KIRREL3: variants seen among roughly 807,000 people sequenced by gnomAD.
KIRREL3 encodes kin of IRRE-like protein 3.
Under a neutral mutation model 89.7 loss-of-function variants are expected in KIRREL3, and 36 were observed. The ratio of observed to expected loss-of-function variants is 0.40; its 90% CI spans 0.31 to 0.53. KIRREL3 has a LOEUF of 0.53. Ranked by LOEUF, KIRREL3 falls within the 20% of genes least tolerant of loss-of-function variation. The pLI is 0.49. For missense variants in KIRREL3, 864 were observed against 1,056.6 expected (o/e 0.82, Z 2.53); for synonymous variants, 445 against 441.4 (o/e 1.01, Z -0.10).
At position 126,653,523 on chromosome 11, in the gene KIRREL3, C is replaced by A. The variant is rs373466122; in HGVS notation, c.56-90611G>T. On this transcript the variant is annotated intron_variant, in intron 1 of 16. Transcript: ENST00000525144. The surrounding 1 kb of genome is among the most constrained non-coding windows in gnomAD (Gnocchi z 5.4). ...AAATGGTTCTGAAAGATGTAAAGAG[C>A]AATATAAACACCAGATACGGAATGA... Among the ~76,000 whole-genome samples the A allele has an allele frequency of 8.5e-5, 13 of 152,182 alleles. No individual in the cohort carries two copies. The East Asian group carries it at 2.3e-3, about 27-fold the overall frequency.
Position 126,485,209 on chromosome 11 carries a change from A to C in KIRREL3, c.434-11743T>G, listed in dbSNP as rs1176564407. On this transcript the variant is annotated intron_variant, in intron 4 of 16. Transcript: ENST00000525144. This position sits in a 1 kb window ranked among gnomAD's most constrained non-coding sequence, Gnocchi z 5.8. ...TCCAAGGAGGTTGGGGACAGAGAGAAAAGAGGAACAAGGAGCAAGACGCAG... is the reference window on the plus strand; with the variant it reads ...TCCAAGGAGGTTGGGGACAGAGAGACAAGAGGAACAAGGAGCAAGACGCAG... Among the ~76,000 whole-genome samples, 5 of 152,166 alleles carry C rather than the reference A, an allele frequency of 3.3e-5. No homozygotes were observed. Among genetic ancestry groups the C allele is most frequent in the African/African-American group, 4.8e-5 (2 of 41,438 alleles).
chr11:126,899,009 T>TG (rs111707645), intron 1 of KIRREL3, among the ~76,000 whole-genome samples: 84,002 of 149,454 alleles, frequency 0.56, 23,905 homozygotes, highest in East Asian at 0.71. Flanking sequence ...CAGGGGAGTT[T>TG]GGGGGGGGTC....
chr11:126,482,340 G>GC lies in KIRREL3; in HGVS notation c.434-8875dup, dbSNP rs561762010. Among the ~76,000 whole-genome samples, 209 of 152,312 alleles carry GC rather than the reference G, an allele frequency of 1.4e-3. 6 individuals are homozygous for GC. The highest frequency in any genetic ancestry group is 4.7e-3 in the African/African-American group (194 of 41,576). On this transcript the variant is annotated intron_variant, in intron 4 of 16. Coordinates refer to ENST00000525144, the MANE Select transcript of KIRREL3 (RefSeq NM_032531.4). ...AGGCATGAACCACCGTGCCGGGCCT[G>GC]CCCCTTTCCTTTTGCTTTGCTAACT...
chr11:126,863,500 TGTGA>T (rs1944799252), intron 1 of KIRREL3, among the ~76,000 whole-genome samples: 3 of 134,106 alleles, frequency 2.2e-5, no homozygotes, highest in African/African-American at 5.6e-5. Flanking sequence ...CGTGTGTGAG[TGTGA>T]GTGCGTGTGT....
chr11:126,979,611 C>T (rs1470887871), intron 1 of KIRREL3, among the ~76,000 whole-genome samples: 1 of 152,136 alleles, frequency 6.6e-6, no homozygotes, highest in Non-Finnish European at 1.5e-5. Context: ...TTCGTTTTGG[C>T]TCTATTATCC....
chr11:126,648,571 T>C (rs1245992077), intron 1 of KIRREL3, among the ~76,000 whole-genome samples: 1 of 152,266 alleles, frequency 6.6e-6, no homozygotes, highest in Non-Finnish European at 1.5e-5. Context: ...TTCATCTTTA[T>C]TTGTTCATTT....
chr11:126,906,686 A>T lies in KIRREL3; in HGVS notation c.55+93769T>A, dbSNP rs1004523093. 2.1e-4 allele frequency among the ~76,000 whole-genome samples: 32 copies of T among 152,134 alleles called. No homozygotes were observed. Among genetic ancestry groups the T allele is most frequent in the African/African-American group, 7.7e-4 (32 of 41,418 alleles). On this transcript the variant is annotated intron_variant, in intron 1 of 16. Transcript: ENST00000525144. The surrounding 1 kb of genome is among the most constrained non-coding windows in gnomAD (Gnocchi z 4.1). ...TCAGGACTAGCATTAAACCCAGAAG[A>T]TGTGAACTGCACGCATTATAAGGCA... is the stretch of plus-strand genomic sequence containing the variant.
intron 1 of KIRREL3, among the ~76,000 whole-genome samples, chr11:126,634,568 G>A (rs1386358687): frequency 6.6e-6 from 1 of 152,172 alleles, no homozygotes; most frequent in Non-Finnish European, 1.5e-5. Context: ...CTTGCGGGGA[G>A]CTTTGCAGGG....
intron 1 of KIRREL3, among the ~76,000 whole-genome samples, chr11:126,832,060 T>C (rs906963666): frequency 2.6e-5 from 4 of 152,236 alleles, no homozygotes; most frequent in African/African-American, 9.6e-5. Flanking sequence ...TTCAATGTTA[T>C]TTCCTTATCA....
chr11:126,456,414 C>A lies in KIRREL3; in HGVS notation c.783G>T (p.Val261=). ...GGAAAGTGACGACGTTGTCCTCCAG[C>A]ACTGGCTGTGGCTCCACCGAGAGGT... ...LVNLSVEPQP[V]LEDNVVTFHC... is the part of the protein sequence containing the mutation. Residue 261 remains valine (V), a synonymous_variant, in exon 7 of 17, where the codon GTG becomes GTT. Coordinates refer to ENST00000525144, the MANE Select transcript of KIRREL3 (RefSeq NM_032531.4). 6.4e-7 allele frequency: 1 copy of A among 1,568,964 alleles called. No homozygotes were observed. Among genetic ancestry groups the A allele is most frequent in the Non-Finnish European group, 8.6e-7 (1 of 1,158,440 alleles).
At position 126,834,086 on chromosome 11, in the gene KIRREL3, A is replaced by G. The variant is rs151186414; in HGVS notation, c.55+166369T>C. Among the ~76,000 whole-genome samples, 7 of 152,350 alleles carry G rather than the reference A, an allele frequency of 4.6e-5. No individual in the cohort carries two copies. The East Asian group carries it at 1.3e-3, about 29-fold the overall frequency. On this transcript the variant is annotated intron_variant, in intron 1 of 16. Coordinates refer to ENST00000525144, the MANE Select transcript of KIRREL3 (RefSeq NM_032531.4). ...TTCTTTTTCTACTTTATAATTATGT[A>G]CCAGGAATAGCCTAAATATCACCAA...
chr11:126,502,398 C>T (rs996472577), intron 4 of KIRREL3, among the ~76,000 whole-genome samples: 3 of 152,198 alleles, frequency 2.0e-5, no homozygotes, highest in Non-Finnish European at 4.4e-5. Context: ...CTCCTCCTGC[C>T]CAGGCACAGT....
chr11:126,922,929 CCTCATGA>C (rs1947413760), intron 1 of KIRREL3, among the ~76,000 whole-genome samples: 1 of 152,194 alleles, frequency 6.6e-6, no homozygotes, highest in Non-Finnish European at 1.5e-5. Context: ...TTGCGAAGGG[CCTCATGA>C]CTCTGAGTCC....
chr11:126,521,656 TTCTCTCTC>T lies in KIRREL3; in HGVS notation c.284-200_284-193del, dbSNP rs749386420. On this transcript the variant is annotated intron_variant, in intron 3 of 16. Coordinates refer to ENST00000525144, the MANE Select transcript of KIRREL3 (RefSeq NM_032531.4). This position sits in a 1 kb window ranked among gnomAD's most constrained non-coding sequence, Gnocchi z 4.1. ...TTTCCCAAGGCATTGAAGGTGTTGG[TTCTCTCTC>T]TCTCTCTCTGTATGTGTGTGTGTGT... is the stretch of plus-strand genomic sequence containing the variant. Among the ~76,000 whole-genome samples the T allele has an allele frequency of 6.7e-6, 1 of 148,272 alleles. No homozygotes were observed. The highest frequency in any genetic ancestry group is 2.1e-4 in the South Asian group (1 of 4,686).
At position 126,607,051 on chromosome 11, in the gene KIRREL3, C is replaced by G. The variant is rs547591306; in HGVS notation, c.56-44139G>C. ...TGTTTATCCTTATTAAGCAGTTGTTCTCTTCCAAGGGGCTCTCTCTGGCAG... is the reference window on the plus strand; with the variant it reads ...TGTTTATCCTTATTAAGCAGTTGTTGTCTTCCAAGGGGCTCTCTCTGGCAG... On this transcript the variant is annotated intron_variant, in intron 1 of 16. Transcript: ENST00000525144. The surrounding 1 kb of genome is among the most constrained non-coding windows in gnomAD (Gnocchi z 6.6). Among the ~76,000 whole-genome samples, 10 of 152,296 alleles carry G rather than the reference C, an allele frequency of 6.6e-5. No individual in the cohort carries two copies. In the South Asian group the frequency reaches 1.7e-3, roughly 25 times the overall value.
Position 126,446,748 on chromosome 11 carries a change from T to TCCGGTCC in KIRREL3, c.1125+10_1125+11insGGACCGG. On this transcript the variant is annotated intron_variant, in intron 9 of 16. Transcript: ENST00000525144. ...GCCAGAGGTGCCCCGAGGTCTGAGC[T>TCCGGTCC]GCAGCCTCACCACTCCGGAGCCCCG... 1.3e-6 allele frequency: 2 copies of TCCGGTCC among 1,596,058 alleles called. No individual in the cohort carries two copies. The highest frequency in any genetic ancestry group is 2.7e-5 in the African/African-American group (2 of 74,716).
chr11:126,877,520 A>G lies in KIRREL3; in HGVS notation c.55+122935T>C, dbSNP rs1451988345. 2.6e-5 allele frequency among the ~76,000 whole-genome samples: 4 copies of G among 152,196 alleles called. No individual in the cohort carries two copies. Among genetic ancestry groups the G allele is most frequent in the African/African-American group, 9.6e-5 (4 of 41,456 alleles). ...TCCCCAACTTCCCATCCACACCTATATGGACACAAGGTCTACCTCCAAAAA... is the reference window on the plus strand; with the variant it reads ...TCCCCAACTTCCCATCCACACCTATGTGGACACAAGGTCTACCTCCAAAAA... On this transcript the variant is annotated intron_variant, in intron 1 of 16. Transcript: ENST00000525144. The surrounding 1 kb of genome is among the most constrained non-coding windows in gnomAD (Gnocchi z 4.9).
chr11:126,503,901 T>A (rs1020688482), intron 4 of KIRREL3, among the ~76,000 whole-genome samples: 12 of 151,750 alleles, frequency 7.9e-5, no homozygotes, highest in African/African-American at 2.7e-4. Context: ...CTGGAACCCT[T>A]AACTCAAACT....
rs1944473735 is a variant in KIRREL3, at chr11:126,641,558, G to T, written c.56-78646C>A. On this transcript the variant is annotated intron_variant, in intron 1 of 16. Transcript: ENST00000525144. The surrounding 1 kb of genome is among the most constrained non-coding windows in gnomAD (Gnocchi z 5.0). The stretch of plus-strand genomic sequence containing the variant: ...TGAGCAAATAACATTCTGGCCAGTG[G>T]GATATGTCTCACCAATCCATTTACA... 6.6e-6 allele frequency among the ~76,000 whole-genome samples: 1 copy of T among 151,848 alleles called. No individual in the cohort carries two copies. Among genetic ancestry groups the T allele is most frequent in the Admixed American group, 6.6e-5 (1 of 15,250 alleles).
Sources: allele counts gnomAD v4.1 joint callset (sites outside exome capture counted in the v4.1 genomes callset), GRCh38; gene constraint gnomAD v4.1.1; non-coding constraint Gnocchi (gnomAD v3.1); transcripts MANE v1.5; gene names NCBI Gene and HGNC (gene_info 2026-07-23, HGNC 2026-07-21).